UPF2: variants seen among roughly 807,000 people sequenced by gnomAD.
UPF2 encodes the protein UPF2 regulator of nonsense mediated mRNA decay.
UPF2 carries 17 observed loss-of-function variants against 141.4 expected under a neutral mutation model. The ratio of observed to expected loss-of-function variants is 0.12; its 90% CI spans 0.08 to 0.18. UPF2 has a LOEUF of 0.18. Among genes scored for constraint, UPF2 ranks in the 10% least tolerant of loss-of-function variants. The pLI is 1.00. For synonymous variants in UPF2, 540 were observed against 498.0 expected (o/e 1.08, Z -1.12); for missense variants, 1,152 against 1,515.9 (o/e 0.76, Z 3.99).
intron 1 of UPF2, among the ~76,000 whole-genome samples, chr10:12,039,431 C>A (rs1588585125): frequency 2.0e-5 from 3 of 152,058 alleles, no homozygotes; most frequent in Admixed American, 1.3e-4. Flanking sequence ...CAGACTCTGG[C>A]TGAAACATAT....
intron 7 of UPF2, among the ~76,000 whole-genome samples, chr10:11,999,534 C>A (rs57326806): frequency 3.7e-3 from 457 of 122,464 alleles, no homozygotes; most frequent in African/African-American, 8.0e-3. Flanking sequence ...AAAAAAAAAA[C>A]ACACACAAGA....
chr10:11,978,358 T>G (rs1833539978), intron 9 of UPF2, among the ~76,000 whole-genome samples: 1 of 152,198 alleles, frequency 6.6e-6, no homozygotes, highest in Non-Finnish European at 1.5e-5. Flanking sequence ...TCTAACAATG[T>G]CCACTTTTAG....
chr10:12,009,466 A>AT (rs1321432309), intron 4 of UPF2, among the ~76,000 whole-genome samples: 1 of 152,240 alleles, frequency 6.6e-6, no homozygotes, highest in Non-Finnish European at 1.5e-5. Context: ...TCACTGGACA[A>AT]TGTAAGCCTC....
At chr10:11,972,247 T>C (rs1833431362) in intron 9 of UPF2, among the ~76,000 whole-genome samples, 1 of 152,186 alleles carries the variant, frequency 6.6e-6, no homozygotes, top group Non-Finnish European at 1.5e-5. Context: ...TTTTCTATCT[T>C]CCATAATTTG....
chr10:12,041,029 C>G (rs1311537637), intron 1 of UPF2, among the ~76,000 whole-genome samples: 1 of 152,216 alleles, frequency 6.6e-6, no homozygotes, highest in Admixed American at 6.5e-5. Flanking sequence ...CCAACACTCA[C>G]TACCCAGTGC....
intron 6 of UPF2, among the ~76,000 whole-genome samples, chr10:12,000,644 A>C (rs1588561894): frequency 6.6e-6 from 1 of 152,164 alleles, no homozygotes; most frequent in Non-Finnish European, 1.5e-5. Context: ...AAAACAAAAT[A>C]AAATAAAGTA....
chr10:11,969,098 G>A (rs138296404), intron 9 of UPF2, among the ~76,000 whole-genome samples: 2 of 151,776 alleles, frequency 1.3e-5, no homozygotes, highest in African/African-American at 4.8e-5. Context: ...CTGGCCTCAA[G>A]TGATCCATCC....
chr10:11,942,526 C>A (rs931395407), intron 18 of UPF2, 139 bp downstream of exon 18: 13 of 631,276 alleles, frequency 2.1e-5, no homozygotes, highest in African/African-American at 2.1e-4. Context: ...AAGCTGGCTG[C>A]AAGCTGTCTA....
intron 18 of UPF2, among the ~76,000 whole-genome samples, chr10:11,941,656 C>G (rs1237708367): frequency 6.6e-6 from 1 of 152,102 alleles, no homozygotes; most frequent in Non-Finnish European, 1.5e-5. Context: ...CAAGACTTAT[C>G]TATATGTAGT....
intron 10 of UPF2, among the ~76,000 whole-genome samples, chr10:11,966,002 C>T (rs1833314329): frequency 6.6e-6 from 1 of 152,148 alleles, no homozygotes; most frequent in African/African-American, 2.4e-5. Flanking sequence ...CCAGCTTTAC[C>T]ACATATAATT....
intron 20 of UPF2, among the ~76,000 whole-genome samples, chr10:11,930,573 T>C (rs965522837): frequency 3.7e-4 from 56 of 152,080 alleles, no homozygotes; most frequent in African/African-American, 1.3e-3. Context: ...GCTCAGGAGT[T>C]CAAGATGAGC....
At chr10:11,978,795 A>G (rs17472816) in intron 9 of UPF2, among the ~76,000 whole-genome samples, 5,015 of 152,294 alleles carry the variant, frequency 0.033, 112 homozygotes, top group Non-Finnish European at 0.051. Context: ...AATGATTTCT[A>G]CCTTAGAAAA....
At chr10:12,000,148 A>G (rs1384295629) in intron 6 of UPF2, 139 bp from the exon 7 acceptor site, 20 of 665,938 alleles carry the variant, frequency 3.0e-5, no homozygotes, top group Non-Finnish European at 2.5e-6. Flanking sequence ...TTTTTAGAAT[A>G]TTATCCTAGA....
chr10:12,021,085 A>G (rs1834309642), intron 3 of UPF2, among the ~76,000 whole-genome samples: 2 of 152,238 alleles, frequency 1.3e-5, no homozygotes, highest in African/African-American at 4.8e-5. Flanking sequence ...TGGATATTAC[A>G]TAATTGTGAA....
chr10:12,012,094 G>A (rs1007293222), intron 4 of UPF2, among the ~76,000 whole-genome samples: 3 of 148,348 alleles, frequency 2.0e-5, no homozygotes, highest in Non-Finnish European at 3.0e-5. Context: ...TTTTTGAGAC[G>A]GAGTCTTGCC....
rs1833798530 is a variant in UPF2, at chr10:11,992,631, T to C, written c.1844+5041A>G. On this transcript the variant is annotated intron_variant, in intron 8 of 21. Coordinates refer to ENST00000357604, the MANE Select transcript of UPF2 (RefSeq NM_015542.4). The surrounding 1 kb of genome is among the most constrained non-coding windows in gnomAD (Gnocchi z 4.1). ...CCACATAATGAAAGACTTTTAGGAATTAAACCAAAAAGGAAAATATTACAG... is the reference window on the plus strand; with the variant it reads ...CCACATAATGAAAGACTTTTAGGAACTAAACCAAAAAGGAAAATATTACAG... Among the ~76,000 whole-genome samples the C allele has an allele frequency of 6.6e-6, 1 of 152,086 alleles. No homozygotes were observed. The highest frequency in any genetic ancestry group is 2.4e-5 in the African/African-American group (1 of 41,432).
intron 4 of UPF2, among the ~76,000 whole-genome samples, chr10:12,011,083 G>A (rs1834119025): frequency 6.6e-6 from 1 of 152,206 alleles, no homozygotes; most frequent in Non-Finnish European, 1.5e-5. Flanking sequence ...CTGGGCTCAT[G>A]CAATCTTCCC....
At chr10:12,005,070 C>G (rs1486092424) in intron 4 of UPF2, among the ~76,000 whole-genome samples, 2 of 150,560 alleles carry the variant, frequency 1.3e-5, no homozygotes, top group African/African-American at 4.9e-5. Context: ...CTGGCCACTC[C>G]TAAGACATCC....
At position 12,028,886 on chromosome 10, in the gene UPF2, T is replaced by A. The variant is rs781114996; in HGVS notation, c.1004A>T (p.Asn335Ile). ...RKVKSAAEKF[N>I]LSFPPSEIIS... is the part of the protein sequence containing the mutation. Reference sequence around the variant, plus strand: ...TATCTCACTAGGAGGAAAACTCAAATTAAACTTCTCTGCAGCACTCTTTAC... The same window carrying A: ...TATCTCACTAGGAGGAAAACTCAAAATAAACTTCTCTGCAGCACTCTTTAC... Residue 335 changes from asparagine (N) to isoleucine (I), a missense_variant, in exon 3 of 22, where the codon AAT (asparagine) becomes ATT (isoleucine). Asn to Ile is a moderately radical substitution (Grantham distance 149). Transcript: ENST00000357604. The A allele has an allele frequency of 3.7e-6, 6 of 1,614,054 alleles. No individual in the cohort carries two copies. In the East Asian group the frequency reaches 1.3e-4, roughly 36 times the overall value.
Sources: gnomAD v4.1 joint callset for allele counts (sites outside exome capture counted in the v4.1 genomes callset) on GRCh38, gnomAD v4.1.1 for gene constraint, Gnocchi (gnomAD v3.1) non-coding constraint, MANE v1.5 for transcripts, NCBI Gene and HGNC (gene_info 2026-07-23, HGNC 2026-07-21) for gene names.